The following PCMTD1 variants were observed in gnomAD, a reference collection of about 807,000 sequenced individuals.
PCMTD1 encodes protein-L-isoaspartate O-methyltransferase domain-containing protein 1.
PCMTD1 carries 12 observed loss-of-function variants against 37.6 expected under a neutral mutation model. The observed-to-expected ratio is 0.32, with a 90% confidence interval of 0.20 to 0.52. The LOEUF (loss-of-function observed/expected upper bound fraction) is 0.52, where lower values mean the gene tolerates loss of function less well. Among genes scored for constraint, PCMTD1 ranks in the 20% least tolerant of loss-of-function variants. PCMTD1 has a pLI of 0.97. For missense variants in PCMTD1, 235 were observed against 421.3 expected (o/e 0.56, Z 3.87); for synonymous variants, 117 against 135.8 (o/e 0.86, Z 0.96).
At position 51,841,678 on chromosome 8, in the gene PCMTD1, A is replaced by G. The variant is rs79654999; in HGVS notation, c.410+3983T>C. On this transcript the variant is annotated intron_variant, in intron 3 of 5. Coordinates refer to ENST00000522514, the MANE Select transcript of PCMTD1 (RefSeq NM_052937.4). ...TACTCTTCTAATAAAGCTGGAGATA[A>G]TTTTTTTAACTGTACATGAGCAAAT... Among the ~76,000 whole-genome samples, 14 of 28,072 alleles carry G rather than the reference A, an allele frequency of 5.0e-4. No homozygotes were observed. The East Asian group carries it at 0.02, about 41-fold the overall frequency. The allele number at this position is 28,072 out of a possible 152,430, so 18.4% of individuals were successfully genotyped here. A position where few individuals can be genotyped will look rare whatever the true frequency, so the allele number is the denominator to read the frequency against.
intron 2 of PCMTD1, chr8:51,849,216 A>T (rs1314195313): frequency 6.6e-6 from 1 of 152,188 alleles, no homozygotes; most frequent in Non-Finnish European, 1.5e-5. Flanking sequence ...TTGCGTGTAT[A>T]ACTTTTTCAA....
At chr8:51,875,214 T>C (rs2038694243) in intron 1 of PCMTD1, among the ~76,000 whole-genome samples, 1 of 152,322 alleles carries the variant, frequency 6.6e-6, no homozygotes, top group Non-Finnish European at 1.5e-5. Context: ...TAGAACATTT[T>C]AAGGAAAAAA....
At chr8:51,853,370 A>T (rs2038336992) in intron 2 of PCMTD1, among the ~76,000 whole-genome samples, 1 of 152,196 alleles carries the variant, frequency 6.6e-6, no homozygotes, top group African/African-American at 2.4e-5. Flanking sequence ...AACTCAGCCT[A>T]GGGAAGACTT....
chr8:51,859,252 T>A (rs1188355331), intron 2 of PCMTD1, among the ~76,000 whole-genome samples: 1 of 151,666 alleles, frequency 6.6e-6, no homozygotes, highest in Non-Finnish European at 1.5e-5. Context: ...TTTTTTTTTT[T>A]AAAGAAGCAA....
At chr8:51,857,596 GAAT>G (rs1395556405) in intron 2 of PCMTD1, among the ~76,000 whole-genome samples, 1 of 152,066 alleles carries the variant, frequency 6.6e-6, no homozygotes, top group Non-Finnish European at 1.5e-5. Context: ...AATTCCCTGA[GAAT>G]GAAACGACAG....
intron 1 of PCMTD1, among the ~76,000 whole-genome samples, chr8:51,881,166 A>T (rs1485183928): frequency 6.6e-6 from 1 of 152,198 alleles, no homozygotes; most frequent in Non-Finnish European, 1.5e-5. Flanking sequence ...CAAACTTCTG[A>T]TCATGGAACA....
At chr8:51,836,427 T>G (rs972914100) in intron 3 of PCMTD1, among the ~76,000 whole-genome samples, 2 of 152,212 alleles carry the variant, frequency 1.3e-5, no homozygotes, top group African/African-American at 2.4e-5. Context: ...TTTTACTTAA[T>G]AAAGAGTTGC....
chr8:51,822,979 T>C (rs1246230392), intron 5 of PCMTD1, among the ~76,000 whole-genome samples: 1 of 152,252 alleles, frequency 6.6e-6, no homozygotes, highest in African/African-American at 2.4e-5. Flanking sequence ...TTGCCAATAC[T>C]GTAATTATGT....
At chr8:51,840,039 T>G (rs2038123951) in intron 3 of PCMTD1, among the ~76,000 whole-genome samples, 1 of 152,218 alleles carries the variant, frequency 6.6e-6, no homozygotes, top group Non-Finnish European at 1.5e-5. Context: ...AGCTATTTAA[T>G]TACAATTTTT....
chr8:51,867,036 AAAAC>A (rs1160985796), intron 1 of PCMTD1, among the ~76,000 whole-genome samples: 3 of 152,064 alleles, frequency 2.0e-5, no homozygotes, highest in Admixed American at 6.6e-5. Context: ...TGCCAATCAA[AAAAC>A]AAACAAAAGA....
chr8:51,834,348 CA>C (rs1334741329), intron 3 of PCMTD1, among the ~76,000 whole-genome samples: 1 of 152,106 alleles, frequency 6.6e-6, no homozygotes, highest in African/African-American at 2.4e-5. Flanking sequence ...GATATGATTT[CA>C]AAGGTATTTT....
intron 1 of PCMTD1, among the ~76,000 whole-genome samples, chr8:51,889,314 CATTA>C (rs2038906379): frequency 6.6e-6 from 1 of 152,152 alleles, no homozygotes; most frequent in Admixed American, 6.5e-5. Flanking sequence ...ATGCAACTAT[CATTA>C]ATTGAGCACT....
chr8:51,845,053 C>A (rs569771695), intron 3 of PCMTD1: 1 of 152,308 alleles, frequency 6.6e-6, no homozygotes, highest in South Asian at 2.1e-4. Flanking sequence ...TATAGCAATG[C>A]AGAATTTTAG....
At chr8:51,868,911 C>G (rs1316144213) in intron 1 of PCMTD1, among the ~76,000 whole-genome samples, 1 of 152,132 alleles carries the variant, frequency 6.6e-6, no homozygotes, top group East Asian at 1.9e-4. Context: ...TTTTAAGGAA[C>G]TATATACTTC....
chr8:51,869,445 C>T (rs1469291280), intron 1 of PCMTD1, among the ~76,000 whole-genome samples: 1 of 152,078 alleles, frequency 6.6e-6, no homozygotes, highest in East Asian at 1.9e-4. Context: ...TTCTGCAGCT[C>T]CTAAGGTCCC....
intron 3 of PCMTD1, among the ~76,000 whole-genome samples, chr8:51,844,487 T>C (rs554992700): frequency 6.6e-6 from 1 of 152,284 alleles, no homozygotes; most frequent in East Asian, 1.9e-4. Context: ...AGACCTTGCC[T>C]TCACTGTTAA....
chr8:51,822,809 C>A (rs1000884496), intron 5 of PCMTD1, among the ~76,000 whole-genome samples: 70 of 152,276 alleles, frequency 4.6e-4, no homozygotes, highest in African/African-American at 1.6e-3. Flanking sequence ...CCTGAGAGGG[C>A]TCTGTAAAGG....
chr8:51,874,741 T>C (rs1460165367), intron 1 of PCMTD1, among the ~76,000 whole-genome samples: 2 of 152,228 alleles, frequency 1.3e-5, no homozygotes, highest in Admixed American at 1.3e-4. Flanking sequence ...CAGCATTACC[T>C]AGCATTTGGA....
chr8:51,822,531 A>G (rs1250267725), intron 5 of PCMTD1, among the ~76,000 whole-genome samples: 1 of 152,186 alleles, frequency 6.6e-6, no homozygotes, highest in Admixed American at 6.5e-5. Flanking sequence ...CATTTATCCA[A>G]AGTGGAGATT....
Sources: allele counts gnomAD v4.1 joint callset (sites outside exome capture counted in the v4.1 genomes callset), GRCh38; gene constraint gnomAD v4.1.1; transcripts MANE v1.5; gene names NCBI Gene and HGNC (gene_info 2026-07-23, HGNC 2026-07-21).